The following WNT2B variants were observed in gnomAD, a reference collection of about 807,000 sequenced individuals.
The protein encoded by WNT2B is protein Wnt-2b.
In WNT2B, 19 loss-of-function variants were observed where a neutral mutation model predicts 40.5. The observed-to-expected ratio is 0.47, with a 90% CI of 0.33 to 0.69. The LOEUF is 0.69. WNT2B is among the 30% of genes least tolerant of loss of function. WNT2B has a pLI of 0.02. For missense variants in WNT2B, 467 were observed against 556.4 expected (o/e 0.84, Z 1.62); for synonymous variants, 220 against 211.9 (o/e 1.04, Z -0.33).
At chr1:112,508,314 G>T (rs892396371), upstream of WNT2B, among the ~76,000 whole-genome samples, 29 of 151,084 alleles carry the variant, frequency 1.9e-4, no homozygotes, top group Admixed American at 1.8e-3. The surrounding 1 kb of genome is among the most constrained non-coding windows in gnomAD (Gnocchi z 4.2). Context: ...GTCGATTCCC[G>T]GTCCGTAAAG....
intron 1 of WNT2B, among the ~76,000 whole-genome samples, chr1:112,490,710 C>T (rs952715953): frequency 1.3e-5 from 2 of 152,030 alleles, no homozygotes; most frequent in Non-Finnish European, 2.9e-5. Flanking sequence ...AGGATGGTCT[C>T]GATCTCCTGA....
rs1437787269 is a variant in WNT2B at position 112,526,476 on chromosome 1, A to G, written c.*5967A>G. On this transcript the variant is annotated 3_prime_UTR_variant, in exon 5 of 5. Coordinates refer to ENST00000369684, the MANE Select transcript of WNT2B (RefSeq NM_024494.3). ...TATCAGAGGCCGGGTGCAGTGGCTC[A>G]TGCCTGTAATCCCAGCACTTTGGGA... 2.4e-5 allele frequency: 4 copies of G among 169,466 alleles called. No homozygotes were observed. Among genetic ancestry groups the G allele is most frequent in the African/African-American group, 7.1e-5 (3 of 42,206 alleles). The allele number at this position is 169,466 out of a possible 1,614,324, so 10.5% of individuals were successfully genotyped here. A position where few individuals can be genotyped will look rare whatever the true frequency, so the allele number is the denominator to read the frequency against.
intron 1 of WNT2B, among the ~76,000 whole-genome samples, chr1:112,481,236 A>G (rs1181414762): frequency 1.3e-5 from 2 of 152,086 alleles, no homozygotes; most frequent in Non-Finnish European, 2.9e-5. Context: ...CATTTGTTTT[A>G]TTATCCCTGG....
intron 1 of WNT2B, among the ~76,000 whole-genome samples, chr1:112,477,476 A>T (rs1651086812): frequency 7.4e-4 from 2 of 2,702 alleles, no homozygotes; most frequent in South Asian, 0.033. Flanking sequence ...AAGAAACATA[A>T]AAAAATCAAG....
At chr1:112,499,107 G>C (rs1651867447) in intron 1 of WNT2B, among the ~76,000 whole-genome samples, 1 of 151,502 alleles carries the variant, frequency 6.6e-6, no homozygotes. Flanking sequence ...TAAGGAGGCT[G>C]AGGCAGGAGA....
rs1421774602 is a variant in WNT2B, at chr1:112,526,732, T to G, written c.*6223T>G. The G allele has an allele frequency of 7.8e-6, 1 of 129,020 alleles. No individual in the cohort carries two copies. Among genetic ancestry groups the G allele is most frequent in the African/African-American group, 2.9e-5 (1 of 34,090 alleles). The allele number at this position is 129,020 out of a possible 1,614,324, so 8.0% of individuals were successfully genotyped here. A position where few individuals can be genotyped will look rare whatever the true frequency, so the allele number is the denominator to read the frequency against. On this transcript the variant is annotated 3_prime_UTR_variant, in exon 5 of 5. Coordinates refer to ENST00000369684, the MANE Select transcript of WNT2B (RefSeq NM_024494.3). The stretch of plus-strand genomic sequence containing the variant: ...TCCAGCCTGGGAGACAGAGCGAGAC[T>G]CCGTCACAAAAAAAAAAAAAAAGAA...
At position 112,519,870 on chromosome 1, in the gene WNT2B, TTC is replaced by T. The variant is rs1186175550; in HGVS notation, c.947-408_947-407del. Among the ~76,000 whole-genome samples, 5 of 128,902 alleles carry T rather than the reference TTC, an allele frequency of 3.9e-5. No individual in the cohort carries two copies. The South Asian group carries it at 9.5e-4, about 25-fold the overall frequency. The allele number at this position is 128,902 out of a possible 152,430, so 84.6% of individuals were successfully genotyped here. On this transcript the variant is annotated intron_variant, in intron 4 of 4. Coordinates refer to ENST00000369684, the MANE Select transcript of WNT2B (RefSeq NM_024494.3). The stretch of plus-strand genomic sequence containing the variant: ...GACAAGATGATGTCAGAGCCCATGC[TTC>T]TTTTTTTTTTTTTTTTTTTTGGAGA...
chr1:112,502,039 G>T (rs1651970745), intron 1 of WNT2B, among the ~76,000 whole-genome samples: 1 of 152,258 alleles, frequency 6.6e-6, no homozygotes, highest in Non-Finnish European at 1.5e-5. Context: ...GAGTCGGAAA[G>T]CGCCCGGAAT....
At chr1:112,488,789 C>T (rs182816029) in intron 1 of WNT2B, among the ~76,000 whole-genome samples, 3 of 152,056 alleles carry the variant, frequency 2.0e-5, no homozygotes, top group Non-Finnish European at 2.9e-5. Flanking sequence ...CTCCTGACCT[C>T]GTGATCTGCC....
At chr1:112,508,753 C>A, upstream of WNT2B, 1 of 986,452 alleles carries the variant, frequency 1.0e-6, no homozygotes, top group African/African-American at 1.7e-5. This position sits in a 1 kb window ranked among gnomAD's most constrained non-coding sequence, Gnocchi z 4.2. Flanking sequence ...AGGAGGGAGC[C>A]GCGGCGTCCC....
chr1:112,527,593 TGAGCTGCTGATGACAGCAGCTTC>T lies in WNT2B; in HGVS notation c.*7085_*7107del, dbSNP rs1653667313. Reference sequence around the variant, plus strand: ...AGAGGCAGAGCAGGAGAGTGTTGAATGAGCTGCTGATGACAGCAGCTTCATAGGTCTTGTGTATAAAGGAAGGA... The same window carrying T: ...AGAGGCAGAGCAGGAGAGTGTTGAATATAGGTCTTGTGTATAAAGGAAGGA... On this transcript the variant is annotated 3_prime_UTR_variant, in exon 5 of 5. Coordinates refer to ENST00000369684, the MANE Select transcript of WNT2B (RefSeq NM_024494.3). The T allele has an allele frequency of 6.6e-6, 1 of 152,664 alleles. No individual in the cohort carries two copies. The highest frequency in any genetic ancestry group is 6.5e-5 in the Admixed American group (1 of 15,282). 9.5% of individuals were successfully genotyped at this position (152,664 alleles called of 1,614,324 possible).
chr1:112,481,934 G>C (rs921382686), intron 1 of WNT2B, among the ~76,000 whole-genome samples: 1 of 151,968 alleles, frequency 6.6e-6, no homozygotes, highest in Non-Finnish European at 1.5e-5. Flanking sequence ...ATCACTTGAG[G>C]TCAGGAGTTT....
chr1:112,470,051 C>T (rs1162258029), intron 1 of WNT2B, among the ~76,000 whole-genome samples: 1 of 152,170 alleles, frequency 6.6e-6, no homozygotes, highest in Admixed American at 6.5e-5. Context: ...CTGTGTTTTT[C>T]TGTGTACTTC....
At chr1:112,469,825 G>A (rs1650818454) in intron 1 of WNT2B, among the ~76,000 whole-genome samples, 2 of 152,120 alleles carry the variant, frequency 1.3e-5, no homozygotes. Flanking sequence ...TGTTAGCCAG[G>A]CTGGTCTCAA....
rs758262425 is a variant in WNT2B at position 112,520,797 on chromosome 1, A to T, written c.*288A>T. The T allele has an allele frequency of 1.3e-4, 58 of 449,160 alleles. No homozygotes were observed. In the East Asian group the frequency reaches 1.5e-3, roughly 11 times the overall value. 27.8% of individuals were successfully genotyped at this position (449,160 alleles called of 1,614,324 possible). A position where few individuals can be genotyped will look rare whatever the true frequency, so the allele number is the denominator to read the frequency against. On this transcript the variant is annotated 3_prime_UTR_variant, in exon 5 of 5. Coordinates refer to ENST00000369684, the MANE Select transcript of WNT2B (RefSeq NM_024494.3). ...TCTTTAGAGTGAAATGAGTTGCACT[A>T]AAGTACGTAGTTGAGGCTCCTTTTT...
chr1:112,472,405 TGG>T (rs1315493966), intron 1 of WNT2B, among the ~76,000 whole-genome samples: 1 of 152,198 alleles, frequency 6.6e-6, no homozygotes, highest in Non-Finnish European at 1.5e-5. Flanking sequence ...AGAGATCTCA[TGG>T]GACTGGGAGT....
At chr1:112,519,024 A>G (rs145817598) in intron 4 of WNT2B, among the ~76,000 whole-genome samples, 154 of 152,310 alleles carry the variant, frequency 1.0e-3, no homozygotes, top group Non-Finnish European at 1.6e-3. Context: ...ATATGTGACT[A>G]GTGGCTGCTA....
chr1:112,511,163 TTCCTTTCTCCC>T (rs1336393893), intron 1 of WNT2B, among the ~76,000 whole-genome samples: 16 of 152,050 alleles, frequency 1.1e-4, no homozygotes, highest in Admixed American at 1.0e-3. Context: ...CCTCTCCCTT[TTCCTTTCTCCC>T]TCTACTACCC....
chr1:112,475,969 A>G (rs1193783006), intron 1 of WNT2B, among the ~76,000 whole-genome samples: 12 of 152,202 alleles, frequency 7.9e-5, no homozygotes. Context: ...ATTATTGACT[A>G]CCCCACCCAA....
Sources: allele counts gnomAD v4.1 joint callset (sites outside exome capture counted in the v4.1 genomes callset), GRCh38; gene constraint gnomAD v4.1.1; non-coding constraint Gnocchi (gnomAD v3.1); transcripts MANE v1.5; gene names NCBI Gene and HGNC (gene_info 2026-07-23, HGNC 2026-07-21).